Variants in DLGAP2 observed in about 807,000 individuals in gnomAD.
DLGAP2 encodes disks large-associated protein 2.
Under a neutral mutation model 100.3 loss-of-function variants are expected in DLGAP2, and 26 were observed. That is an observed-to-expected ratio of 0.26 (90% confidence interval 0.19 to 0.36). The LOEUF is 0.36. DLGAP2 is among the 10% of genes least tolerant of loss of function. DLGAP2 has a pLI of 1.00. For missense variants in DLGAP2, 1,858 were observed against 1,453.2 expected, an observed-to-expected ratio of 1.28 and a Z score of -4.53; for synonymous variants, 886 against 630.1, an observed-to-expected ratio of 1.41 and a Z score of -6.08.
At chr8:1,695,389 C>A (rs1799365114) in intron 13 of DLGAP2, among the ~76,000 whole-genome samples, 1 of 140,910 alleles carries the variant, frequency 7.1e-6, no homozygotes, top group Non-Finnish European at 1.5e-5. Flanking sequence ...AAAGAGGGGG[C>A]ACAGCCTTAC....
chr8:855,407 C>T (rs745829599), intron 1 of DLGAP2, among the ~76,000 whole-genome samples: 23 of 152,182 alleles, frequency 1.5e-4, no homozygotes, highest in African/African-American at 2.4e-4. Context: ...CAGGAATGTC[C>T]GCTGAATGAA....
chr8:1,251,475 G>A (rs1240625225), intron 2 of DLGAP2, among the ~76,000 whole-genome samples: 1 of 152,178 alleles, frequency 6.6e-6, no homozygotes, highest in Non-Finnish European at 1.5e-5. Context: ...GTCTCTGTCT[G>A]TCCCCAGGCT....
rs542966709 is a variant in DLGAP2 at position 1,250,138 on chromosome 8, C to T, written c.74-8713C>T. On this transcript the variant is annotated intron_variant, in intron 2 of 14. Coordinates refer to ENST00000637795, the MANE Select transcript of DLGAP2 (RefSeq NM_001346810.2). ...TTGTGATCTGCCTGCCTCAGCCTCCCACAGTGCTGGGATTACAGGCGTGAG... is the reference window on the plus strand; with the variant it reads ...TTGTGATCTGCCTGCCTCAGCCTCCTACAGTGCTGGGATTACAGGCGTGAG... 1.5e-3 allele frequency among the ~76,000 whole-genome samples: 235 copies of T among 152,308 alleles called. 2 individuals carry two copies. The highest frequency in any genetic ancestry group is 2.2e-3 in the Non-Finnish European group (151 of 68,034).
At chr8:1,105,860 A>AG (rs1804744782) in intron 2 of DLGAP2, among the ~76,000 whole-genome samples, 2 of 71,228 alleles carry the variant, frequency 2.8e-5, no homozygotes, top group African/African-American at 5.4e-5. Context: ...ACTGAGGGGG[A>AG]CCATTCTAGG....
In DLGAP2 at chr8:1,555,969, A is replaced by G. The variant is rs563859378; in HGVS notation, c.1230+6286A>G. Among the ~76,000 whole-genome samples the G allele has an allele frequency of 1.8e-4, 27 of 152,356 alleles. No individual in the cohort carries two copies. In the South Asian group the frequency reaches 3.5e-3, roughly 20 times the overall value. ...ACATTGGAAATCATAACTCATGTGA[A>G]CATGGAACACTGGGTGGGTGCATGC... is the stretch of plus-strand genomic sequence containing the variant. On this transcript the variant is annotated intron_variant, in intron 5 of 14. Coordinates refer to ENST00000637795, the MANE Select transcript of DLGAP2 (RefSeq NM_001346810.2).
At chr8:872,049 C>T (rs1023141402) in intron 1 of DLGAP2, among the ~76,000 whole-genome samples, 14 of 151,978 alleles carry the variant, frequency 9.2e-5, no homozygotes, top group African/African-American at 3.1e-4. Flanking sequence ...TTGTGCTGTT[C>T]TTGTTTAGGT....
chr8:1,204,916 G>A (rs1321533757), intron 2 of DLGAP2, among the ~76,000 whole-genome samples: 3 of 152,214 alleles, frequency 2.0e-5, no homozygotes, highest in Non-Finnish European at 4.4e-5. Flanking sequence ...AGGGCTGTTT[G>A]CCTGGAACAG....
At chr8:1,105,038 C>G (rs1804711233) in intron 2 of DLGAP2, 1 of 152,224 alleles carries the variant, frequency 6.6e-6, no homozygotes, top group Admixed American at 6.5e-5. Flanking sequence ...GATGGTCCAC[C>G]TGGGAGAACC....
rs75250804 is a variant in DLGAP2, at chr8:1,463,353, C to T, written c.107-38013C>T. ...TGAAATAGTGGGAGCAACTGCGTTA[C>T]GTGTGTCATAAAATACATATGATGA... is the stretch of plus-strand genomic sequence containing the variant. On this transcript the variant is annotated intron_variant, in intron 3 of 14. Coordinates refer to ENST00000637795, the MANE Select transcript of DLGAP2 (RefSeq NM_001346810.2). 1.5e-3 allele frequency among the ~76,000 whole-genome samples: 236 copies of T among 152,350 alleles called. No individual in the cohort carries two copies. The East Asian group carries it at 0.03, about 19-fold the overall frequency.
intron 4 of DLGAP2, among the ~76,000 whole-genome samples, chr8:1,540,213 G>A (rs1207759981): frequency 6.6e-6 from 1 of 152,174 alleles, no homozygotes; most frequent in African/African-American, 2.4e-5. Flanking sequence ...GTCCCAGCGG[G>A]TAAAGGCCCG....
intron 3 of DLGAP2, among the ~76,000 whole-genome samples, chr8:1,288,584 T>C (rs1286790795): frequency 4.0e-5 from 3 of 74,390 alleles, no homozygotes; most frequent in Non-Finnish European, 7.8e-5. Context: ...CTAGTTTCAG[T>C]TGAGTGTGTG....
At chr8:1,198,662 C>A (rs1797804900) in intron 2 of DLGAP2, among the ~76,000 whole-genome samples, 1 of 152,170 alleles carries the variant, frequency 6.6e-6, no homozygotes, top group African/African-American at 2.4e-5. Flanking sequence ...CCGCTCAGGC[C>A]CAGCTCCACC....
chr8:1,179,267 G>T (rs1258894818), intron 2 of DLGAP2, among the ~76,000 whole-genome samples: 1 of 152,228 alleles, frequency 6.6e-6, no homozygotes, highest in African/African-American at 2.4e-5. Flanking sequence ...TAGATGCAGA[G>T]TGGGGGTGGG....
intron 3 of DLGAP2, among the ~76,000 whole-genome samples, chr8:1,318,425 T>C (rs1299419563): frequency 6.6e-6 from 1 of 151,108 alleles, no homozygotes; most frequent in African/African-American, 2.4e-5. Context: ...CCCAGATTGT[T>C]AGTGACCTTC....
intron 4 of DLGAP2, among the ~76,000 whole-genome samples, chr8:1,516,668 T>G (rs1800402468): frequency 6.6e-6 from 1 of 150,944 alleles, no homozygotes; most frequent in South Asian, 2.1e-4. Flanking sequence ...AATGAGTGGG[T>G]GACTGAGTGA....
intron 2 of DLGAP2, among the ~76,000 whole-genome samples, chr8:1,004,669 A>G (rs776108856): frequency 2.0e-5 from 3 of 152,118 alleles, no homozygotes; most frequent in Non-Finnish European, 4.4e-5. Flanking sequence ...TACCAACTTA[A>G]TTTCATTTTC....
intron 8 of DLGAP2, among the ~76,000 whole-genome samples, chr8:1,649,177 T>C (rs1164049919): frequency 6.6e-6 from 1 of 152,264 alleles, no homozygotes; most frequent in Admixed American, 6.5e-5. Context: ...GCCAATGCTA[T>C]ATATCAAAAA....
intron 1 of DLGAP2, among the ~76,000 whole-genome samples, chr8:762,417 G>A (rs934629215): frequency 6.6e-6 from 1 of 152,196 alleles, no homozygotes; most frequent in African/African-American, 2.4e-5. Context: ...GCATGTAATA[G>A]GTTATTTTGG....
At chr8:1,218,203 G>C (rs1429446163) in intron 2 of DLGAP2, among the ~76,000 whole-genome samples, 1 of 152,156 alleles carries the variant, frequency 6.6e-6, no homozygotes, top group Non-Finnish European at 1.5e-5. Context: ...TTCTCTTCCA[G>C]ATTTTTTATA....
Sources: gnomAD v4.1 joint callset for allele counts (sites outside exome capture counted in the v4.1 genomes callset) on GRCh38, gnomAD v4.1.1 for gene constraint, MANE v1.5 for transcripts, NCBI Gene and HGNC (gene_info 2026-07-23, HGNC 2026-07-21) for gene names.